The following MTBP variants were observed in gnomAD, a reference collection of about 807,000 sequenced individuals.
MTBP encodes mdm2-binding protein.
Under a neutral mutation model 117.0 loss-of-function variants are expected in MTBP, and 101 were observed. The ratio of observed to expected loss-of-function variants is 0.86; its 90% CI spans 0.73 to 1.02. The LOEUF (loss-of-function observed/expected upper bound fraction) is 1.02. Ranked by LOEUF, MTBP falls within the 50% of genes least tolerant of loss-of-function variation. The probability of loss-of-function intolerance (pLI) is 0.00; values close to 1 mark genes in which losing one functional copy is unlikely to be tolerated. For synonymous variants in MTBP, 350 were observed against 351.5 expected (o/e 1.00, Z 0.05); for missense variants, 970 against 1,030.9 (o/e 0.94, Z 0.81).
chr8:120,521,050 C>T (rs1220422959), intron 20 of MTBP, among the ~76,000 whole-genome samples: 1 of 152,074 alleles, frequency 6.6e-6, no homozygotes, highest in East Asian at 1.9e-4. Context: ...CAGGCCTAGG[C>T]AGCAACTAGA....
Position 120,488,195 on chromosome 8 carries a change from A to C in MTBP, c.1202A>C (p.Tyr401Ser). Residue 401 changes from tyrosine (Y) to serine (S), a missense_variant, in exon 12 of 22, where the codon TAT becomes TCT. Transcript: ENST00000305949. ...DVEVKGECSS[Y>S]YLLLQGNGNR... The stretch of plus-strand genomic sequence containing the variant: ...GAAGTGAAAGGAGAGTGTTCTAGCT[A>C]TTATCTCTTGTTACAAGGTAATGGC... The C allele has an allele frequency of 6.3e-7, 1 of 1,591,698 alleles. No individual in the cohort carries two copies. The highest frequency in any genetic ancestry group is 8.5e-7 in the Non-Finnish European group (1 of 1,172,412).
intron 10 of MTBP, among the ~76,000 whole-genome samples, chr8:120,465,462 G>T (rs1813666590): frequency 6.6e-6 from 1 of 152,152 alleles, no homozygotes; most frequent in East Asian, 1.9e-4. Flanking sequence ...TACCAAGTAT[G>T]ATATAAATGA....
chr8:120,500,041 A>C lies in MTBP; in HGVS notation c.1610-2451A>C, dbSNP rs545563764. Among the ~76,000 whole-genome samples the C allele has an allele frequency of 2.2e-3, 339 of 152,358 alleles. 2 individuals carry two copies. Among genetic ancestry groups the C allele is most frequent in the Admixed American group, 3.6e-3 (55 of 15,304 alleles). ...GTGATTTATTCATATTTAAGTATGT[A>C]AGGTTATAATGGCCTCAATTCATTA... is the stretch of plus-strand genomic sequence containing the variant. On this transcript the variant is annotated intron_variant, in intron 14 of 21. Coordinates refer to ENST00000305949, the MANE Select transcript of MTBP (RefSeq NM_022045.5).
chr8:120,507,889 T>TTC (rs1366803948), intron 16 of MTBP, among the ~76,000 whole-genome samples: 6 of 152,132 alleles, frequency 3.9e-5, no homozygotes, highest in Non-Finnish European at 7.4e-5. Context: ...TCTATTTAGT[T>TTC]ATTGGATTAC....
At chr8:120,495,613 C>T (rs1425442636) in intron 13 of MTBP, among the ~76,000 whole-genome samples, 1 of 151,880 alleles carries the variant, frequency 6.6e-6, no homozygotes, top group Non-Finnish European at 1.5e-5. Flanking sequence ...GACAGAATGC[C>T]TGATTTCCAT....
At chr8:120,462,362 G>A (rs1018983884) in intron 9 of MTBP, among the ~76,000 whole-genome samples, 5 of 152,116 alleles carry the variant, frequency 3.3e-5, no homozygotes, top group East Asian at 1.9e-4. Flanking sequence ...TATTACATGC[G>A]GAGAAAGTGA....
In MTBP at chr8:120,518,734, A is replaced by T; in HGVS notation, c.2527A>T (p.Lys843Ter). The change falls in exon 20 of 22, where the codon AAG becomes TAG. Residue 843 changes from lysine to a stop codon, truncating the protein, a stop_gained. Coordinates refer to ENST00000305949, the MANE Select transcript of MTBP (RefSeq NM_022045.5). LOFTEE classifies it high-confidence loss of function. ...GAAAGAAGTAGTTACTGAAACCCTG[A>T]AGAAACACAGTATTACCGAGACTCA... The part of the protein sequence containing the change: ...ILKEVVTETL[K>*]KHSITETHEC... The T allele has an allele frequency of 1.2e-6, 2 of 1,611,084 alleles. No homozygotes were observed. The highest frequency in any genetic ancestry group is 1.7e-6 in the Non-Finnish European group (2 of 1,178,294).
intron 11 of MTBP, among the ~76,000 whole-genome samples, chr8:120,478,279 G>A (rs573203670): frequency 1.4e-4 from 22 of 152,214 alleles, no homozygotes; most frequent in Non-Finnish European, 2.5e-4. Flanking sequence ...GGGAGGGATA[G>A]CATTAGGAGA....
rs980979100 is a variant in MTBP at position 120,488,981 on chromosome 8, G to A, written c.1339+649G>A. ...ATGAGGTCTGATTTTCTCTTCACAG[G>A]CGCTTTCCTCACAGCTAGCTTGGGC... On this transcript the variant is annotated intron_variant, in intron 12 of 21. Coordinates refer to ENST00000305949, the MANE Select transcript of MTBP (RefSeq NM_022045.5). Among the ~76,000 whole-genome samples the A allele has an allele frequency of 2.0e-5, 3 of 151,596 alleles. No homozygotes were observed. In the South Asian group the frequency reaches 6.2e-4, roughly 32 times the overall value.
intron 11 of MTBP, chr8:120,471,595 A>C (rs1813818230): frequency 6.6e-6 from 1 of 152,196 alleles, no homozygotes; most frequent in Admixed American, 6.5e-5. Flanking sequence ...GGGCCACCGC[A>C]CTTGACCTAA....
At chr8:120,485,485 C>A (rs1218752522) in intron 11 of MTBP, among the ~76,000 whole-genome samples, 1 of 152,000 alleles carries the variant, frequency 6.6e-6, no homozygotes, top group African/African-American at 2.4e-5. Flanking sequence ...TATTTTATAT[C>A]TTTTCATCTA....
chr8:120,500,129 A>G lies in MTBP; in HGVS notation c.1610-2363A>G, dbSNP rs569922462. Among the ~76,000 whole-genome samples the G allele has an allele frequency of 2.6e-5, 4 of 151,682 alleles. No individual in the cohort carries two copies. The East Asian group carries it at 5.8e-4, about 22-fold the overall frequency. On this transcript the variant is annotated intron_variant, in intron 14 of 21. Coordinates refer to ENST00000305949, the MANE Select transcript of MTBP (RefSeq NM_022045.5). Reference sequence around the variant, plus strand: ...GTGATTTTATAGGTCAGTTTTCCCTATTTCCCTGTTGTGTTGGTTCTATTG... The same window carrying G: ...GTGATTTTATAGGTCAGTTTTCCCTGTTTCCCTGTTGTGTTGGTTCTATTG...
chr8:120,476,267 G>A (rs768460574), intron 11 of MTBP, among the ~76,000 whole-genome samples: 1 of 152,056 alleles, frequency 6.6e-6, no homozygotes, highest in Non-Finnish European at 1.5e-5. Flanking sequence ...AAAATAATAA[G>A]AGCTATTTAT....
intron 11 of MTBP, among the ~76,000 whole-genome samples, chr8:120,478,218 A>G (rs1326740984): frequency 6.6e-6 from 1 of 152,140 alleles, no homozygotes; most frequent in Non-Finnish European, 1.5e-5. Context: ...ACACATGGAC[A>G]CAGGGAGGGG....
intron 14 of MTBP, 43 bp downstream of exon 14, chr8:120,497,597 G>A (rs1335014404): frequency 2.6e-6 from 3 of 1,144,100 alleles, no homozygotes; most frequent in Non-Finnish European, 3.7e-6. Context: ...TGTGTGTGTG[G>A]CAACTATGAC....
chr8:120,497,014 G>A (rs574454646), intron 13 of MTBP, among the ~76,000 whole-genome samples: 1 of 152,056 alleles, frequency 6.6e-6, no homozygotes, highest in Non-Finnish European at 1.5e-5. Flanking sequence ...GTGATTTTAG[G>A]TTTTGAGAAG....
chr8:120,480,447 A>G (rs1814054706), intron 11 of MTBP, among the ~76,000 whole-genome samples: 1 of 152,064 alleles, frequency 6.6e-6, no homozygotes, highest in Non-Finnish European at 1.5e-5. Flanking sequence ...CTGATCCTAA[A>G]TTTATATGGA....
At chr8:120,516,315 G>A (rs999686233) in intron 18 of MTBP, 124 bp downstream of exon 18, 3 of 871,960 alleles carry the variant, frequency 3.4e-6, no homozygotes, top group East Asian at 2.7e-5. Flanking sequence ...TGTTTTATGA[G>A]CTGTTGATAA....
intron 10 of MTBP, among the ~76,000 whole-genome samples, chr8:120,468,945 G>A (rs1350513954): frequency 6.6e-6 from 1 of 152,110 alleles, no homozygotes; most frequent in Non-Finnish European, 1.5e-5. Context: ...TCGTTGTTGT[G>A]TAGAATAAGG....
Sources: gnomAD v4.1 joint callset for allele counts (sites outside exome capture counted in the v4.1 genomes callset) on GRCh38, gnomAD v4.1.1 for gene constraint, MANE v1.5 for transcripts, NCBI Gene and HGNC (gene_info 2026-07-23, HGNC 2026-07-21) for gene names.